The following PITPNC1 variants were observed in gnomAD, a reference collection of about 807,000 sequenced individuals.
The protein encoded by PITPNC1 is cytoplasmic phosphatidylinositol transfer protein 1.
PITPNC1 carries 18 observed loss-of-function variants against 44.7 expected under a neutral mutation model. The observed-to-expected ratio is 0.40, with a 90% CI of 0.28 to 0.60. PITPNC1 has a LOEUF of 0.60. Among genes scored for constraint, PITPNC1 ranks in the 20% least tolerant of loss-of-function variants. PITPNC1 has a pLI of 0.39. For missense variants in PITPNC1, 290 were observed against 418.4 expected (o/e 0.69, Z 2.68); for synonymous variants, 141 against 149.6 (o/e 0.94, Z 0.42).
chr17:67,549,992 G>C (rs1480964910), intron 2 of PITPNC1, among the ~76,000 whole-genome samples: 1 of 152,168 alleles, frequency 6.6e-6, no homozygotes, highest in Non-Finnish European at 1.5e-5. Flanking sequence ...ACCAGGGGAA[G>C]TTTTGCTCAT....
rs1177283634 is a variant in PITPNC1 at position 67,632,145 on chromosome 17, T to G, written c.369T>G (p.Ile123Met). 2.5e-6 allele frequency: 4 copies of G among 1,606,816 alleles called. No individual in the cohort carries two copies. The highest frequency in any genetic ancestry group is 2.6e-6 in the Non-Finnish European group (3 of 1,173,570). ...YEDNKGSNDT[I>M]FDNEAKDVER... ...GATATGTTGCTCTGCTTTTTCAGATTTTCGACAATGAAGCCAAAGACGTGG... is the reference window on the plus strand; with the variant it reads ...GATATGTTGCTCTGCTTTTTCAGATGTTCGACAATGAAGCCAAAGACGTGG... The change falls in exon 6 of 9, where the codon ATT becomes ATG. Residue 123 changes from isoleucine to methionine, a missense_variant and splice_region_variant. Coordinates refer to ENST00000581322, the MANE Select transcript of PITPNC1 (RefSeq NM_012417.4).
chr17:67,421,046 C>A (rs955364841), intron 1 of PITPNC1, among the ~76,000 whole-genome samples: 2 of 152,084 alleles, frequency 1.3e-5, no homozygotes, highest in African/African-American at 4.8e-5. Flanking sequence ...CTTCTGGGTG[C>A]AGAAGGGAAG....
intron 6 of PITPNC1, among the ~76,000 whole-genome samples, chr17:67,660,772 C>T (rs951730211): frequency 6.6e-6 from 1 of 151,506 alleles, no homozygotes. Flanking sequence ...TCTCGAACTC[C>T]TGGCCTCAAG....
intron 1 of PITPNC1, among the ~76,000 whole-genome samples, chr17:67,382,576 C>T (rs188772222): frequency 6.6e-6 from 1 of 152,186 alleles, no homozygotes; most frequent in Admixed American, 6.5e-5. Context: ...TCATTATCTT[C>T]ATTTGAAACA....
chr17:67,601,284 C>T (rs1470035708), intron 5 of PITPNC1, among the ~76,000 whole-genome samples: 5 of 152,154 alleles, frequency 3.3e-5, no homozygotes, highest in African/African-American at 9.7e-5. Flanking sequence ...GTGGACTTCT[C>T]ATTAGCAACA....
chr17:67,479,598 G>A (rs1003378062), intron 1 of PITPNC1, among the ~76,000 whole-genome samples: 1 of 152,088 alleles, frequency 6.6e-6, no homozygotes, highest in African/African-American at 2.4e-5. Context: ...ATGCCATACG[G>A]CTTCTTGGAA....
chr17:67,528,548 C>T (rs141036310), intron 1 of PITPNC1, among the ~76,000 whole-genome samples: 24 of 152,124 alleles, frequency 1.6e-4, no homozygotes, highest in African/African-American at 5.3e-4. Flanking sequence ...AGCTGGTGGT[C>T]AGGGATATGG....
chr17:67,552,235 T>C, intron 2 of PITPNC1, 22 bp from the exon 3 acceptor site: 3 of 1,323,520 alleles, frequency 2.3e-6, no homozygotes, highest in East Asian at 2.3e-5. Context: ...TCCAATTGTC[T>C]TTTTTCTTTC....
Position 67,458,196 on chromosome 17 carries a change from G to A in PITPNC1, c.49-74606G>A, listed in dbSNP as rs537920774. Among the ~76,000 whole-genome samples the A allele has an allele frequency of 9.2e-5, 14 of 152,208 alleles. 1 individual carries two copies. Among genetic ancestry groups the A allele is most frequent in the African/African-American group, 3.4e-4 (14 of 41,524 alleles). ...CTGAAGGCTCTCCCTGCCTCCTCCT[G>A]CTTCCTCCTCTTTTTCCTTCACAGG... On this transcript the variant is annotated intron_variant, in intron 1 of 8. Transcript: ENST00000581322.
intron 4 of PITPNC1, among the ~76,000 whole-genome samples, chr17:67,572,951 C>A (rs921084656): frequency 6.6e-6 from 1 of 152,136 alleles, no homozygotes; most frequent in Non-Finnish European, 1.5e-5. Flanking sequence ...GTGCCACCAA[C>A]AGCTGGAAGA....
intron 1 of PITPNC1, among the ~76,000 whole-genome samples, chr17:67,469,983 T>C (rs2039493272): frequency 6.6e-6 from 1 of 152,074 alleles, no homozygotes; most frequent in African/African-American, 2.4e-5. Flanking sequence ...AGTGCAGTTG[T>C]GCAATCTCAG....
intron 1 of PITPNC1, among the ~76,000 whole-genome samples, chr17:67,496,665 C>T (rs1028094449): frequency 3.3e-5 from 5 of 151,980 alleles, no homozygotes; most frequent in Admixed American, 6.6e-5. Context: ...TCTGTGGGAG[C>T]GCTTCAGTGA....
chr17:67,425,205 A>ACACG (rs1638809193), intron 1 of PITPNC1, among the ~76,000 whole-genome samples: 2 of 43,650 alleles, frequency 4.6e-5, no homozygotes, highest in Non-Finnish European at 8.3e-5. Flanking sequence ...ACGCACACGC[A>ACACG]CACACACACA....
At chr17:67,567,064 G>A (rs527410008) in intron 4 of PITPNC1, among the ~76,000 whole-genome samples, 2 of 152,338 alleles carry the variant, frequency 1.3e-5, no homozygotes, top group South Asian at 2.1e-4. Flanking sequence ...TTGACAGGAA[G>A]GACGGTATAA....
chr17:67,394,108 G>T (rs765367041), intron 1 of PITPNC1, among the ~76,000 whole-genome samples: 35 of 152,098 alleles, frequency 2.3e-4, no homozygotes, highest in Non-Finnish European at 2.2e-4. Flanking sequence ...AAAGTGCTGA[G>T]ATTACAAGCG....
At chr17:67,538,995 A>T (rs1210478455) in intron 2 of PITPNC1, among the ~76,000 whole-genome samples, 1 of 152,022 alleles carries the variant, frequency 6.6e-6, no homozygotes, top group Non-Finnish European at 1.5e-5. Flanking sequence ...ACAATAATCC[A>T]ATCAAAAGAT....
chr17:67,461,187 C>T (rs1203718241), intron 1 of PITPNC1, among the ~76,000 whole-genome samples: 1 of 152,220 alleles, frequency 6.6e-6, no homozygotes, highest in Admixed American at 6.5e-5. Context: ...ACCATCCACA[C>T]TCACTGTGTC....
chr17:67,409,364 G>A (rs1022617090), intron 1 of PITPNC1, among the ~76,000 whole-genome samples: 5 of 151,940 alleles, frequency 3.3e-5, no homozygotes, highest in South Asian at 2.1e-4. Flanking sequence ...GATTACAGGC[G>A]TGAGCCACCG....
intron 1 of PITPNC1, among the ~76,000 whole-genome samples, chr17:67,531,621 T>A (rs760682476): frequency 7.9e-5 from 12 of 152,222 alleles, no homozygotes; most frequent in Non-Finnish European, 1.8e-4. Flanking sequence ...CACTGTTGAC[T>A]TGTGCATTTC....
Sources: gnomAD v4.1 joint callset for allele counts (sites outside exome capture counted in the v4.1 genomes callset) on GRCh38, gnomAD v4.1.1 for gene constraint, MANE v1.5 for transcripts, NCBI Gene and HGNC (gene_info 2026-07-23, HGNC 2026-07-21) for gene names.